PTCHD4: variants seen among roughly 807,000 people sequenced by gnomAD.
PTCHD4 encodes patched domain containing 4.
Under a neutral mutation model 58.1 loss-of-function variants are expected in PTCHD4, and 33 were observed. The observed-to-expected ratio is 0.57, with a 90% CI of 0.43 to 0.76. The LOEUF (loss-of-function observed/expected upper bound fraction) is 0.76. Among genes scored for constraint, PTCHD4 ranks in the 30% least tolerant of loss-of-function variants. PTCHD4 has a pLI of 0.00. For synonymous variants in PTCHD4, 478 were observed against 409.6 expected, an observed-to-expected ratio of 1.17 and a Z score of -2.02; for missense variants, 1,058 against 1,027.1, an observed-to-expected ratio of 1.03 and a Z score of -0.41.
At chr6:47,957,640 A>G (rs1253210443) in intron 4 of PTCHD4, among the ~76,000 whole-genome samples, 2 of 148,150 alleles carry the variant, frequency 1.3e-5, no homozygotes, top group Non-Finnish European at 3.0e-5. Context: ...TCACTCTGTC[A>G]CCCAGGCTGG....
chr6:48,002,819 T>C (rs1768787358), intron 4 of PTCHD4, among the ~76,000 whole-genome samples: 1 of 152,020 alleles, frequency 6.6e-6, no homozygotes, highest in Admixed American at 6.6e-5. Flanking sequence ...CCCTCCAATC[T>C]GTATTGAATC....
Position 48,091,586 on chromosome 6 carries a change from T to C in PTCHD4, c.-970+19463A>G, listed in dbSNP as rs563944935. ...CTATTGAAGCAGATATTATACTTTC[T>C]TTTTCTTTTCTGTTTTCTTTCCTTC... On this transcript the variant is annotated intron_variant, in intron 1 of 4. Coordinates refer to ENST00000339488, the MANE Select transcript of PTCHD4 (RefSeq NM_001384253.1). 3.9e-5 allele frequency among the ~76,000 whole-genome samples: 6 copies of C among 152,220 alleles called. No homozygotes were observed. The South Asian group carries it at 1.2e-3, about 32-fold the overall frequency.
At chr6:47,926,235 C>G (rs2113895968) in intron 4 of PTCHD4, among the ~76,000 whole-genome samples, 1 of 152,254 alleles carries the variant, frequency 6.6e-6, no homozygotes, top group South Asian at 2.1e-4. Context: ...TCTCCCTTGA[C>G]ACTCTTATAC....
chr6:47,939,518 A>G (rs748710578), intron 4 of PTCHD4, among the ~76,000 whole-genome samples: 2 of 152,112 alleles, frequency 1.3e-5, no homozygotes, highest in Non-Finnish European at 2.9e-5. Flanking sequence ...TGTGGAAATC[A>G]TAATGTGATT....
chr6:48,015,556 T>C lies in PTCHD4; in HGVS notation c.418-6442A>G, dbSNP rs749409390. 1.2e-4 allele frequency among the ~76,000 whole-genome samples: 18 copies of C among 152,040 alleles called. No homozygotes were observed. The South Asian group carries it at 3.7e-3, about 31-fold the overall frequency. On this transcript the variant is annotated intron_variant, in intron 3 of 4. Transcript: ENST00000339488. ...TATGATCATTGCATCAGCTGTTCCC[T>C]CTGCCTGAAATGCTTTCTTCTGCCA...
chr6:47,905,982 G>T (rs1009017679), intron 4 of PTCHD4, among the ~76,000 whole-genome samples: 33 of 152,198 alleles, frequency 2.2e-4, no homozygotes, highest in Admixed American at 7.2e-4. Flanking sequence ...TGGGGCCCCT[G>T]GGGGCCCATC....
intron 4 of PTCHD4, among the ~76,000 whole-genome samples, chr6:47,982,481 C>CTTTTTTTTTTTTTTTTTTT (rs375869071): frequency 7.6e-6 from 1 of 130,794 alleles, no homozygotes. Flanking sequence ...TTATCTCTCT[C>CTTTTTTTTTTTTTTTTTTT]TTTTTTTTTT....
chr6:47,869,448 A>T lies in PTCHD4; in HGVS notation c.*8855T>A, dbSNP rs1170842341. On this transcript the variant is annotated 3_prime_UTR_variant, in exon 5 of 5. Coordinates refer to ENST00000339488, the MANE Select transcript of PTCHD4 (RefSeq NM_001384253.1). ...GCAATGTAATGCAGTGATAAATTTT[A>T]GGTAGAATTTATTTGACCCGATTAT... Among the ~76,000 whole-genome samples, 1 of 151,770 alleles carries T rather than the reference A, an allele frequency of 6.6e-6. No individual in the cohort carries two copies. Among genetic ancestry groups the T allele is most frequent in the African/African-American group, 2.4e-5 (1 of 41,386 alleles).
At chr6:48,052,194 AT>A (rs944628263) in intron 3 of PTCHD4, among the ~76,000 whole-genome samples, 2 of 152,052 alleles carry the variant, frequency 1.3e-5, no homozygotes, top group Non-Finnish European at 2.9e-5. Flanking sequence ...AGGTGCATTA[AT>A]TTCTTGAACT....
In PTCHD4 at chr6:47,873,846, CTT is replaced by C. The variant is rs944870771; in HGVS notation, c.*4455_*4456del. 6.6e-6 allele frequency among the ~76,000 whole-genome samples: 1 copy of C among 151,620 alleles called. No individual in the cohort carries two copies. Among genetic ancestry groups the C allele is most frequent in the Admixed American group, 6.6e-5 (1 of 15,178 alleles). ...TTTGGTAATTGAGAAAAAGCTAAAA[CTT>C]TTTTTGTTTGTTTTTTGTTTGTAAA... On this transcript the variant is annotated 3_prime_UTR_variant, in exon 5 of 5. Coordinates refer to ENST00000339488, the MANE Select transcript of PTCHD4 (RefSeq NM_001384253.1).
At chr6:47,938,625 G>A (rs1766101143) in intron 4 of PTCHD4, among the ~76,000 whole-genome samples, 1 of 152,176 alleles carries the variant, frequency 6.6e-6, no homozygotes, top group African/African-American at 2.4e-5. Flanking sequence ...GTAATTGCTG[G>A]GAAGCATTGC....
intron 1 of PTCHD4, among the ~76,000 whole-genome samples, chr6:48,092,535 A>T (rs1765387110): frequency 6.6e-6 from 1 of 152,218 alleles, no homozygotes; most frequent in South Asian, 2.1e-4. Flanking sequence ...ATTAATTATA[A>T]TTTTTGATAG....
At chr6:48,022,610 G>A (rs780817905) in intron 3 of PTCHD4, among the ~76,000 whole-genome samples, 7 of 152,074 alleles carry the variant, frequency 4.6e-5, no homozygotes, top group Admixed American at 2.0e-4. Flanking sequence ...AATAGGAGAC[G>A]AGGGTGCAAC....
At chr6:47,882,736 C>T (rs1764055351) in intron 4 of PTCHD4, among the ~76,000 whole-genome samples, 1 of 33,596 alleles carries the variant, frequency 3.0e-5, no homozygotes, top group African/African-American at 7.3e-5. Context: ...TCTAATGATT[C>T]CAGTGATATA....
chr6:47,963,488 T>C (rs1035481026), intron 4 of PTCHD4, among the ~76,000 whole-genome samples: 2 of 152,186 alleles, frequency 1.3e-5, no homozygotes, highest in African/African-American at 4.8e-5. Flanking sequence ...TCTGAGTACA[T>C]ATCCAAAGGA....
intron 3 of PTCHD4, among the ~76,000 whole-genome samples, chr6:48,052,711 CA>C (rs953428253): frequency 6.6e-6 from 1 of 152,000 alleles, no homozygotes; most frequent in Non-Finnish European, 1.5e-5. Flanking sequence ...GCCTTTCTGT[CA>C]AAGACAGAGT....
chr6:48,017,502 C>G (rs1052314359), intron 3 of PTCHD4, among the ~76,000 whole-genome samples: 1 of 152,062 alleles, frequency 6.6e-6, no homozygotes, highest in African/African-American at 2.4e-5. Flanking sequence ...CTCTAGCCAT[C>G]CAGAATATAA....
rs1211312559 is a variant in PTCHD4 at position 47,865,157 on chromosome 6, T to C, written c.*13146A>G. ...AGTGTCTCTAGCTATAATACGTGCA[T>C]GTAGATAAGAGTTATATATACCTGA... On this transcript the variant is annotated 3_prime_UTR_variant, in exon 5 of 5. Transcript: ENST00000339488. Among the ~76,000 whole-genome samples the C allele has an allele frequency of 6.6e-6, 1 of 151,956 alleles. No homozygotes were observed. Among genetic ancestry groups the C allele is most frequent in the East Asian group, 1.9e-4 (1 of 5,152 alleles).
chr6:48,043,404 A>G (rs1763916158), intron 3 of PTCHD4, among the ~76,000 whole-genome samples: 1 of 151,828 alleles, frequency 6.6e-6, no homozygotes, highest in African/African-American at 2.4e-5. Flanking sequence ...ATACTTAATT[A>G]TTTTTATGCT....
Sources: allele counts gnomAD v4.1 joint callset (sites outside exome capture counted in the v4.1 genomes callset), GRCh38; gene constraint gnomAD v4.1.1; transcripts MANE v1.5; gene names NCBI Gene and HGNC (gene_info 2026-07-23, HGNC 2026-07-21).